Variants in ZNF101 observed in about 807,000 individuals in gnomAD.
ZNF101 encodes the protein zinc finger protein 101 (Y2).
In ZNF101, 34 loss-of-function variants were observed where a neutral mutation model predicts 42.6. The ratio of observed to expected loss-of-function variants is 0.80; its 90% CI spans 0.61 to 1.06. The LOEUF is 1.06. Ranked by LOEUF, ZNF101 falls within the 50% of genes least tolerant of loss-of-function variation. ZNF101 has a pLI of 0.00. For synonymous variants in ZNF101, 158 were observed against 183.9 expected (o/e 0.86, Z 1.14); for missense variants, 466 against 530.9 (o/e 0.88, Z 1.20).
chr19:19,678,116 G>T (rs1599453120), intron 2 of ZNF101, 126 bp downstream of exon 2: 2 of 1,364,144 alleles, frequency 1.5e-6, no homozygotes, highest in East Asian at 5.9e-5. Flanking sequence ...CGTGGGCCAG[G>T]TACAGTGGCT....
rs1206944644 is a variant in ZNF101 at position 19,668,973 on chromosome 19, G to A, written c.3+7G>A. On this transcript the variant is annotated splice_region_variant and intron_variant, in intron 1 of 3. Coordinates refer to ENST00000592502, the MANE Select transcript of ZNF101 (RefSeq NM_033204.4). The stretch of plus-strand genomic sequence containing the variant: ...CACCCGGAAGCCGGAAATGGTGAGC[G>A]TGCGGAGCCGGGCGTCCGGAGACCT... The A allele has an allele frequency of 3.8e-6, 6 of 1,587,706 alleles. No individual in the cohort carries two copies. Among genetic ancestry groups the A allele is most frequent in the East Asian group, 4.6e-5 (2 of 43,860 alleles).
At chr19:19,676,088 C>T (rs143390477) in intron 1 of ZNF101, 1 of 152,278 alleles carries the variant, frequency 6.6e-6, no homozygotes, top group African/African-American at 2.4e-5. Context: ...ACAATCCTAG[C>T]TCACTGCAAC....
In ZNF101 at chr19:19,679,392, G is replaced by C. The variant is rs1393092090; in HGVS notation, c.403G>C (p.Glu135Gln). The change falls in exon 4 of 4, where the codon GAA becomes CAA. Residue 135 changes from glutamate (E) to glutamine (Q), a missense_variant. Physicochemically the swap from Glu to Gln is conservative, Grantham distance 29 (BLOSUM62 2). Coordinates refer to ENST00000592502, the MANE Select transcript of ZNF101 (RefSeq NM_033204.4). Reference sequence around the variant, plus strand: ...ACACAAACGATCTGAGTGTGGTGGGGAATGGAGAGAGACGCCCCGTAAACA... The same window carrying C: ...ACACAAACGATCTGAGTGTGGTGGGCAATGGAGAGAGACGCCCCGTAAACA... ...AGHKRSECGG[E>Q]WRETPRKQKQ... 6.2e-7 allele frequency: 1 copy of C among 1,614,036 alleles called. No homozygotes were observed. Among genetic ancestry groups the C allele is most frequent in the Admixed American group, 1.7e-5 (1 of 60,006 alleles).
rs1237586097 is a variant in ZNF101 at position 19,679,301 on chromosome 19, C to G, written c.312C>G (p.Cys104Trp). 1 of 1,614,180 alleles carries G rather than the reference C, an allele frequency of 6.2e-7. No homozygotes were observed. The highest frequency in any genetic ancestry group is 8.5e-7 in the Non-Finnish European group (1 of 1,180,038). Residue 104 changes from cysteine (C) to tryptophan (W), a missense_variant, in exon 4 of 4, where the codon TGC becomes TGG. Physicochemically the swap from Cys to Trp is radical, Grantham distance 215. Transcript: ENST00000592502. ...AAACTGGAGTGAAACCATGCAAATG[C>G]AGCGTGTGTGGGAAAGTCTTCCTCC... is the stretch of plus-strand genomic sequence containing the variant. ...KSQTGVKPCK[C>W]SVCGKVFLRH...
In ZNF101 at chr19:19,682,768, G is replaced by A. The variant is rs2062246362; in HGVS notation, c.*2468G>A. The A allele has an allele frequency of 6.6e-6, 1 of 151,970 alleles. No individual in the cohort carries two copies. The highest frequency in any genetic ancestry group is 6.6e-5 in the Admixed American group (1 of 15,200). 9.4% of individuals were successfully genotyped at this position (151,970 alleles called of 1,614,324 possible). A position where few individuals can be genotyped will look rare whatever the true frequency, so the allele number is the denominator to read the frequency against. On this transcript the variant is annotated 3_prime_UTR_variant, in exon 4 of 4. Coordinates refer to ENST00000592502, the MANE Select transcript of ZNF101 (RefSeq NM_033204.4). Reference sequence around the variant, plus strand: ...TGTAAGCAGGTTTAATTTTTATGTAGTGTTTAATTGTTCTGTGATGAATGG... The same window carrying A: ...TGTAAGCAGGTTTAATTTTTATGTAATGTTTAATTGTTCTGTGATGAATGG...
chr19:19,679,086 C>G, intron 3 of ZNF101, 95 bp from the exon 4 acceptor site: 1 of 1,509,900 alleles, frequency 6.6e-7, no homozygotes, highest in South Asian at 1.4e-5. Flanking sequence ...TCCACTTTTC[C>G]TGATTTTGGT....
At chr19:19,672,551 G>T (rs950147418) in intron 1 of ZNF101, among the ~76,000 whole-genome samples, 2 of 145,378 alleles carry the variant, frequency 1.4e-5, no homozygotes, top group Admixed American at 1.4e-4. Flanking sequence ...TTTTTGGCGG[G>T]GGGGGTCTCT....
At position 19,682,741 on chromosome 19, in the gene ZNF101, T is replaced by C. The variant is rs558335648; in HGVS notation, c.*2441T>C. 2 of 152,184 alleles carry C rather than the reference T, an allele frequency of 1.3e-5. No homozygotes were observed. The highest frequency in any genetic ancestry group is 1.3e-4 in the Admixed American group (2 of 15,252). The allele number at this position is 152,184 out of a possible 1,614,324, so 9.4% of individuals were successfully genotyped here. On this transcript the variant is annotated 3_prime_UTR_variant, in exon 4 of 4. Transcript: ENST00000592502. ...TGGGTGAAGTGAAATTTATTTCTAA[T>C]ATGTAAGCAGGTTTAATTTTTATGT...
intron 1 of ZNF101, among the ~76,000 whole-genome samples, chr19:19,672,580 C>T (rs905415950): frequency 2.0e-5 from 3 of 151,704 alleles, no homozygotes; most frequent in African/African-American, 7.3e-5. Flanking sequence ...GGCTGGAGTG[C>T]GGTGGCACGA....
At position 19,668,910 on chromosome 19, in the gene ZNF101, C is replaced by T. The variant is rs1307967727; in HGVS notation, c.-54C>T. The T allele has an allele frequency of 1.5e-5, 23 of 1,555,736 alleles. No individual in the cohort carries two copies. Among genetic ancestry groups the T allele is most frequent in the East Asian group, 9.6e-5 (4 of 41,730 alleles). On this transcript the variant is annotated 5_prime_UTR_variant, in exon 1 of 4. Transcript: ENST00000592502. ...ATACGGCTGATTTTGTCGTGTGGGA[C>T]CTGTTCTGGCTGCTCCAGCCCCAGG...
At position 19,680,198 on chromosome 19, in the gene ZNF101, T is replaced by C. The variant is rs1310996801; in HGVS notation, c.1209T>C (p.Phe403=). ...PFDCKQCGKV[F]TFSNYLRLHE... ...ATTGTAAACAGTGTGGTAAAGTCTT[T>C]ACTTTTTCAAATTACCTTAGACTTC... Residue 403 remains phenylalanine (F), a synonymous_variant, in exon 4 of 4, where the codon TTT becomes TTC. Coordinates refer to ENST00000592502, the MANE Select transcript of ZNF101 (RefSeq NM_033204.4). The C allele has an allele frequency of 6.2e-7, 1 of 1,600,382 alleles. No homozygotes were observed. Among genetic ancestry groups the C allele is most frequent in the African/African-American group, 1.4e-5 (1 of 73,936 alleles).
At position 19,680,354 on chromosome 19, in the gene ZNF101, C is replaced by T. The variant is rs1470144835; in HGVS notation, c.*54C>T. On this transcript the variant is annotated 3_prime_UTR_variant, in exon 4 of 4. Transcript: ENST00000592502. The stretch of plus-strand genomic sequence containing the variant: ...CATATCGGCTGGGTACGGTGGCTCA[C>T]GCTTGTAATCCCAGCACTTTGGGAG... 1.1e-5 allele frequency: 11 copies of T among 1,022,196 alleles called. No individual in the cohort carries two copies. The highest frequency in any genetic ancestry group is 6.4e-4 in the Middle Eastern group (2 of 3,106). The allele number at this position is 1,022,196 out of a possible 1,614,324, so 63.3% of individuals were successfully genotyped here.
intron 1 of ZNF101, among the ~76,000 whole-genome samples, chr19:19,675,056 G>A (rs1470472065): frequency 1.3e-5 from 2 of 152,022 alleles, no homozygotes. Flanking sequence ...TCCTGACCTT[G>A]TGATCCACCC....
chr19:19,678,085 G>A (rs781709572), intron 2 of ZNF101, 95 bp downstream of exon 2: 8 of 1,542,416 alleles, frequency 5.2e-6, no homozygotes, highest in East Asian at 4.9e-5. Context: ...AAGAGAATAC[G>A]TTGGTGAATA....
rs773193419 is a variant in ZNF101 at position 19,679,648 on chromosome 19, C to A, written c.659C>A (p.Thr220Asn). Residue 220 changes from threonine (T) to asparagine (N), a missense_variant, in exon 4 of 4, where the codon ACT becomes AAT. Transcript: ENST00000592502. ...TTTCGAAAACATGGAAAAATGCATA[C>A]TGGAGAAAAACGCTATGAATGTAAA... ...SFFRKHGKMH[T>N]GEKRYECKYC... 2.5e-6 allele frequency: 4 copies of A among 1,613,358 alleles called. No individual in the cohort carries two copies. The highest frequency in any genetic ancestry group is 3.4e-6 in the Non-Finnish European group (4 of 1,179,614).
Position 19,682,349 on chromosome 19 carries a change from A to G in ZNF101, c.*2049A>G, listed in dbSNP as rs2062244736. 1 of 152,074 alleles carries G rather than the reference A, an allele frequency of 6.6e-6. No individual in the cohort carries two copies. The highest frequency in any genetic ancestry group is 2.4e-5 in the African/African-American group (1 of 41,388). The allele number at this position is 152,074 out of a possible 1,614,324, so 9.4% of individuals were successfully genotyped here. A position where few individuals can be genotyped will look rare whatever the true frequency, so the allele number is the denominator to read the frequency against. On this transcript the variant is annotated 3_prime_UTR_variant, in exon 4 of 4. Transcript: ENST00000592502. The stretch of plus-strand genomic sequence containing the variant: ...ATTCTCCTGCTTCAGTCTCCGAAGC[A>G]TCTGGGATTACAGGCGCACGCCACC...
rs2062241134 is a variant in ZNF101 at position 19,681,788 on chromosome 19, C to G, written c.*1488C>G. The G allele has an allele frequency of 6.6e-6, 1 of 151,792 alleles. No homozygotes were observed. Among genetic ancestry groups the G allele is most frequent in the African/African-American group, 2.4e-5 (1 of 41,290 alleles). 9.4% of individuals were successfully genotyped at this position (151,792 alleles called of 1,614,324 possible). On this transcript the variant is annotated 3_prime_UTR_variant, in exon 4 of 4. Transcript: ENST00000592502. ...TGAGAACATCCACTCGAAAGAAATC[C>G]TATAAACGTAAGTAATTTTGAAAGC...
chr19:19,668,916 C>T lies in ZNF101; in HGVS notation c.-48C>T, dbSNP rs1047221103. 1.3e-6 allele frequency: 2 copies of T among 1,570,376 alleles called. No homozygotes were observed. Among genetic ancestry groups the T allele is most frequent in the Non-Finnish European group, 1.7e-6 (2 of 1,158,126 alleles). On this transcript the variant is annotated 5_prime_UTR_variant, in exon 1 of 4. Transcript: ENST00000592502. Reference sequence around the variant, plus strand: ...CTGATTTTGTCGTGTGGGACCTGTTCTGGCTGCTCCAGCCCCAGGAAGGAC... The same window carrying T: ...CTGATTTTGTCGTGTGGGACCTGTTTTGGCTGCTCCAGCCCCAGGAAGGAC...
At chr19:19,677,778 G>C (rs143174737) in intron 1 of ZNF101, 86 bp from the exon 2 acceptor site, 139 of 1,540,420 alleles carry the variant, frequency 9.0e-5, no homozygotes, top group Non-Finnish European at 1.0e-4. Flanking sequence ...TGGAGAGCCC[G>C]GCGTCATGGG....
Sources: gnomAD v4.1 joint callset for allele counts (sites outside exome capture counted in the v4.1 genomes callset) on GRCh38, gnomAD v4.1.1 for gene constraint, MANE v1.5 for transcripts, NCBI Gene and HGNC (gene_info 2026-07-23, HGNC 2026-07-21) for gene names.